Variants in CPNE4 observed in about 807,000 individuals in gnomAD.
CPNE4 encodes copine-4.
A neutral mutation model predicts 67.9 loss-of-function variants in CPNE4; 25 were observed. The ratio of observed to expected loss-of-function variants is 0.37; its 90% CI spans 0.27 to 0.51. The LOEUF (loss-of-function observed/expected upper bound fraction) is 0.51. Ranked by LOEUF, CPNE4 falls within the 20% of genes least tolerant of loss-of-function variation. The pLI, the probability that CPNE4 is intolerant of heterozygous loss-of-function variation, is 0.93. For synonymous variants in CPNE4, 242 were observed against 244.9 expected (o/e 0.99, Z 0.11); for missense variants, 464 against 690.8 (o/e 0.67, Z 3.68).
At chr3:131,950,207 A>G (rs1020125807) in intron 1 of CPNE4, among the ~76,000 whole-genome samples, 1 of 152,188 alleles carries the variant, frequency 6.6e-6, no homozygotes, top group African/African-American at 2.4e-5. Context: ...TGCTTCTTTT[A>G]AAAGTCAACT....
intron 1 of CPNE4, among the ~76,000 whole-genome samples, chr3:131,928,283 C>T (rs750559924): frequency 2.7e-5 from 4 of 149,088 alleles, no homozygotes; most frequent in Non-Finnish European, 5.9e-5. Context: ...AATTACAGTA[C>T]AGGTTATCTA....
At chr3:131,936,212 C>A (rs1307271381) in intron 1 of CPNE4, among the ~76,000 whole-genome samples, 1 of 151,772 alleles carries the variant, frequency 6.6e-6, no homozygotes, top group Non-Finnish European at 1.5e-5. Flanking sequence ...TACAAAAGAG[C>A]TGCCAAAAGC....
intron 3 of CPNE4, among the ~76,000 whole-genome samples, chr3:131,715,127 G>A (rs1331989933): frequency 2.0e-5 from 3 of 152,182 alleles, no homozygotes; most frequent in African/African-American, 7.2e-5. Context: ...TTTTCATCAT[G>A]GTTGAAGATG....
chr3:131,928,784 G>A (rs1225038), intron 1 of CPNE4, among the ~76,000 whole-genome samples: 82,991 of 152,074 alleles, frequency 0.55, 23,432 homozygotes, highest in Admixed American at 0.67. Flanking sequence ...CTCCAGGCAT[G>A]TGCTAGGGGA....
intron 2 of CPNE4, among the ~76,000 whole-genome samples, chr3:131,903,093 A>G (rs2088612111): frequency 6.6e-6 from 1 of 152,080 alleles, no homozygotes; most frequent in South Asian, 2.1e-4. Context: ...ACAATTAAAC[A>G]TGCTGACTCT....
At chr3:131,703,676 TAG>T (rs1292682149) in intron 3 of CPNE4, among the ~76,000 whole-genome samples, 8 of 152,246 alleles carry the variant, frequency 5.3e-5, no homozygotes, top group Non-Finnish European at 8.8e-5. Flanking sequence ...TTTTTGGAAC[TAG>T]AGAGTCATTT....
At position 131,673,458 on chromosome 3, in the gene CPNE4, A is replaced by G. The variant is rs72983659; in HGVS notation, c.592-3694T>C. 4.2e-3 allele frequency among the ~76,000 whole-genome samples: 643 copies of G among 152,114 alleles called. 4 individuals carry two copies. The highest frequency in any genetic ancestry group is 0.015 in the African/African-American group (612 of 41,526). ...CATTTTAATAATATTAATTTTTCTA[A>G]TCCCTGAACATGGACTATTTTTCCA... On this transcript the variant is annotated intron_variant, in intron 6 of 15. Coordinates refer to ENST00000429747, the MANE Select transcript of CPNE4 (RefSeq NM_130808.3).
intron 1 of CPNE4, among the ~76,000 whole-genome samples, chr3:131,977,481 T>C (rs1411464685): frequency 6.6e-6 from 1 of 152,012 alleles, no homozygotes; most frequent in Non-Finnish European, 1.5e-5. Context: ...ATGCTTAAAA[T>C]TCAGTGAATT....
chr3:131,776,934 G>T (rs2083304397), intron 2 of CPNE4, among the ~76,000 whole-genome samples: 1 of 152,094 alleles, frequency 6.6e-6, no homozygotes, highest in African/African-American at 2.4e-5. Context: ...GTATGACAGG[G>T]CAATTCATTA....
intron 2 of CPNE4, among the ~76,000 whole-genome samples, chr3:131,899,265 G>A (rs935209127): frequency 2.6e-5 from 4 of 152,012 alleles, no homozygotes; most frequent in African/African-American, 9.7e-5. Context: ...GCACAAGCAC[G>A]AACCTCGTAT....
chr3:131,542,624 C>T lies in CPNE4; in HGVS notation c.1472G>A (p.Arg491Lys). ...QMLDGDDGIL[R>K]SPKGEPVLRD... ...AAGAACAGGCTCTCCCTTGGGTGAC[C>T]TCAGAATCCCATCATCACCGTCCAG... is the stretch of plus-strand genomic sequence containing the variant. Residue 491 changes from arginine (R) to lysine (K), a missense_variant, in exon 15 of 16, where the codon AGG becomes AAG. Physicochemically the swap from Arg to Lys is conservative, Grantham distance 26. Around this residue, in one of 6 missense-constraint regions of CPNE4, gnomAD observed 201 missense variants for 357.7 expected, o/e 0.56. Transcript: ENST00000429747. 1.2e-6 allele frequency: 2 copies of T among 1,614,068 alleles called. No homozygotes were observed. Among genetic ancestry groups the T allele is most frequent in the East Asian group, 4.5e-5 (2 of 44,860 alleles).
chr3:131,977,597 A>G (rs987696466), intron 1 of CPNE4, among the ~76,000 whole-genome samples: 2 of 152,110 alleles, frequency 1.3e-5, no homozygotes, highest in African/African-American at 4.8e-5. Flanking sequence ...CACATACAAT[A>G]GAAACCACTG....
At chr3:131,773,529 G>A (rs578122927) in intron 2 of CPNE4, among the ~76,000 whole-genome samples, 1 of 152,012 alleles carries the variant, frequency 6.6e-6, no homozygotes, top group African/African-American at 2.4e-5. Flanking sequence ...TGTATTTTTA[G>A]TACAGACAGG....
chr3:131,818,386 C>T (rs2084830524), intron 2 of CPNE4, among the ~76,000 whole-genome samples: 1 of 152,180 alleles, frequency 6.6e-6, no homozygotes. Context: ...GCCTTAGTTT[C>T]TCCATGTCAC....
chr3:131,678,659 T>A (rs2080649306), intron 6 of CPNE4, among the ~76,000 whole-genome samples: 1 of 152,200 alleles, frequency 6.6e-6, no homozygotes, highest in Admixed American at 6.5e-5. Context: ...ATGTTAAATG[T>A]TGTTGAAAGC....
intron 7 of CPNE4, among the ~76,000 whole-genome samples, chr3:131,668,399 T>G (rs2080315726): frequency 6.6e-6 from 1 of 152,180 alleles, no homozygotes; most frequent in Non-Finnish European, 1.5e-5. Flanking sequence ...GGATTAGTTG[T>G]CCTGAGAAGT....
chr3:131,966,712 A>C (rs147895169), intron 1 of CPNE4, among the ~76,000 whole-genome samples: 4,535 of 152,294 alleles, frequency 0.03, 215 homozygotes, highest in African/African-American at 0.1. Flanking sequence ...ATGAGTTCTG[A>C]AATTGAGGCA....
At chr3:132,035,430 G>A (rs149583904), upstream of CPNE4, 1 of 152,328 alleles carries the variant, frequency 6.6e-6, no homozygotes, top group Admixed American at 6.5e-5. Flanking sequence ...ACTGTCTGGC[G>A]TATGGCAGGA....
chr3:131,958,873 C>T (rs77137601), intron 1 of CPNE4, among the ~76,000 whole-genome samples: 8 of 149,334 alleles, frequency 5.4e-5, no homozygotes, highest in South Asian at 2.1e-4. Context: ...TTGGCCAGTC[C>T]GGTCTCGAAC....
Sources: gnomAD v4.1 joint callset for allele counts (sites outside exome capture counted in the v4.1 genomes callset) on GRCh38, gnomAD v4.1.1 for gene constraint, gnomAD v4.1.1 regional missense constraint, MANE v1.5 for transcripts, NCBI Gene and HGNC (gene_info 2026-07-23, HGNC 2026-07-21) for gene names.